The following GPHN variants were observed in gnomAD, a reference collection of about 807,000 sequenced individuals.
GPHN encodes the protein gephyrin.
Under a neutral mutation model 95.5 loss-of-function variants are expected in GPHN, and 17 were observed. The ratio of observed to expected loss-of-function variants is 0.18; its 90% CI spans 0.12 to 0.27. The LOEUF is 0.27. Ranked by LOEUF, GPHN falls within the 10% of genes least tolerant of loss-of-function variation. The pLI, the probability that GPHN is intolerant of heterozygous loss-of-function variation, is 1.00. For missense variants in GPHN, 660 were observed against 978.1 expected (o/e 0.67, Z 4.34); for synonymous variants, 320 against 322.5 (o/e 0.99, Z 0.08).
At chr14:66,904,260 A>G (rs2065260762) in intron 5 of GPHN, among the ~76,000 whole-genome samples, 2 of 152,074 alleles carry the variant, frequency 1.3e-5, no homozygotes, top group African/African-American at 2.4e-5. Context: ...GTGGAAGGGG[A>G]ATCAAGCAGG....
chr14:67,100,457 A>G (rs919036217), intron 12 of GPHN, among the ~76,000 whole-genome samples: 2 of 152,246 alleles, frequency 1.3e-5, no homozygotes, highest in African/African-American at 2.4e-5. Context: ...CCATTTATAT[A>G]TATATATATG....
chr14:67,199,666 C>A, the GPHN span: 1 of 1,580,764 alleles, frequency 6.3e-7, no homozygotes, highest in Non-Finnish European at 8.7e-7. Context: ...ACCCGCTCTC[C>A]CAGCCTGACC....
the GPHN span, among the ~76,000 whole-genome samples, chr14:67,545,259 A>G: frequency 1.4e-3 from 206 of 152,316 alleles, no homozygotes; most frequent in African/African-American, 4.8e-3. Flanking sequence ...TCTTATTCAC[A>G]TGGTTATACC....
At chr14:66,936,417 G>A (rs1411109458) in intron 8 of GPHN, among the ~76,000 whole-genome samples, 1 of 151,742 alleles carries the variant, frequency 6.6e-6, no homozygotes, top group Non-Finnish European at 1.5e-5. Context: ...TTTTTACCAT[G>A]GTTTGAAATA....
chr14:67,661,087 C>G, the GPHN span, among the ~76,000 whole-genome samples: 2 of 152,004 alleles, frequency 1.3e-5, no homozygotes, highest in African/African-American at 4.8e-5. Context: ...TGATCTTCAA[C>G]AAGCAAGAAG....
At chr14:67,405,118 A>G in the GPHN span, among the ~76,000 whole-genome samples, 2 of 151,282 alleles carry the variant, frequency 1.3e-5, no homozygotes, top group African/African-American at 4.9e-5. Context: ...CTGTAATCCC[A>G]GCTACTCAGG....
chr14:67,297,290 A>T, the GPHN span, among the ~76,000 whole-genome samples: 1 of 152,346 alleles, frequency 6.6e-6, no homozygotes, highest in South Asian at 2.1e-4. Flanking sequence ...ATGAAGTTGT[A>T]TAGGAACAGG....
the GPHN span, chr14:67,678,368 G>T: frequency 2.5e-6 from 4 of 1,614,004 alleles, no homozygotes; most frequent in Non-Finnish European, 3.4e-6. Flanking sequence ...TCCCACAGCC[G>T]CCTTGCTATA....
the GPHN span, among the ~76,000 whole-genome samples, chr14:67,735,003 A>G: frequency 6.6e-6 from 1 of 152,238 alleles, no homozygotes; most frequent in Non-Finnish European, 1.5e-5. Flanking sequence ...GCTAGAGAAA[A>G]TATTTTAAAT....
At chr14:67,364,104 A>G in the GPHN span, 2 of 152,220 alleles carry the variant, frequency 1.3e-5, no homozygotes, top group African/African-American at 4.8e-5. Context: ...TACCTATTCA[A>G]TAAAAGAAAG....
intron 4 of GPHN, among the ~76,000 whole-genome samples, chr14:66,844,690 T>C (rs1215972369): frequency 1.3e-5 from 2 of 152,268 alleles, no homozygotes; most frequent in East Asian, 3.9e-4. Context: ...TCTAGGGAAG[T>C]TAAAATCATT....
the GPHN span, among the ~76,000 whole-genome samples, chr14:67,432,145 A>C: frequency 1.3e-5 from 2 of 152,236 alleles, no homozygotes; most frequent in African/African-American, 4.8e-5. Flanking sequence ...ATGTGTGCTC[A>C]TAAATTATCT....
At chr14:67,554,453 T>C in the GPHN span, among the ~76,000 whole-genome samples, 36,298 of 152,052 alleles carry the variant, frequency 0.24, 4,743 homozygotes, top group Non-Finnish European at 0.29. Context: ...GTGGAAGGCG[T>C]GGCTGGGATG....
At chr14:67,059,799 G>A (rs1368601017) in intron 11 of GPHN, among the ~76,000 whole-genome samples, 4 of 152,018 alleles carry the variant, frequency 2.6e-5, no homozygotes, top group South Asian at 2.1e-4. Flanking sequence ...CTTATCCTAC[G>A]TCTTTGGTTC....
intron 21 of GPHN, among the ~76,000 whole-genome samples, chr14:67,174,121 G>A (rs543587559): frequency 5.6e-4 from 86 of 152,226 alleles, no homozygotes; most frequent in African/African-American, 2.0e-3. Context: ...TGTGCACAAC[G>A]TGCAGGTTTG....
chr14:67,666,205 C>A, the GPHN span, among the ~76,000 whole-genome samples: 1 of 152,188 alleles, frequency 6.6e-6, no homozygotes, highest in Non-Finnish European at 1.5e-5. Flanking sequence ...GACTTTTCTA[C>A]AACTGTGTTT....
At chr14:67,495,632 C>T in the GPHN span, among the ~76,000 whole-genome samples, 1 of 152,136 alleles carries the variant, frequency 6.6e-6, no homozygotes, top group African/African-American at 2.4e-5. Flanking sequence ...ACAGGTGCCC[C>T]GCCACCATGC....
intron 1 of GPHN, among the ~76,000 whole-genome samples, chr14:66,624,656 G>T (rs1172507761): frequency 6.6e-6 from 1 of 152,114 alleles, no homozygotes; most frequent in Non-Finnish European, 1.5e-5. Flanking sequence ...GCCAAATTTG[G>T]CTACAATCTG....
At chr14:66,604,905 T>C (rs1260522519) in intron 1 of GPHN, among the ~76,000 whole-genome samples, 1 of 146,050 alleles carries the variant, frequency 6.8e-6, no homozygotes, top group African/African-American at 2.5e-5. Flanking sequence ...CTCATCTTTC[T>C]GTCCATATGT....
Sources: allele counts gnomAD v4.1 joint callset (sites outside exome capture counted in the v4.1 genomes callset), GRCh38; gene constraint gnomAD v4.1.1; transcripts MANE v1.5; gene names NCBI Gene and HGNC (gene_info 2026-07-23, HGNC 2026-07-21).